BATF3: variants seen among roughly 807,000 people sequenced by gnomAD.
BATF3 encodes the protein basic leucine zipper ATF-like transcription factor 3.
Under a neutral mutation model 16.1 loss-of-function variants are expected in BATF3, and 8 were observed. That is an observed-to-expected ratio of 0.50 (90% CI 0.29 to 0.90). BATF3 has a LOEUF of 0.90. Among genes scored for constraint, BATF3 ranks in the 40% least tolerant of loss-of-function variants. The pLI is 0.08. For missense variants in BATF3, 139 were observed against 167.0 expected, an observed-to-expected ratio of 0.83 and a Z score of 0.92; for synonymous variants, 74 against 72.7, an observed-to-expected ratio of 1.02 and a Z score of -0.09.
chr1:212,697,151 T>A, intron 1 of BATF3, 86 bp from the exon 2 acceptor site: 1 of 1,072,974 alleles, frequency 9.3e-7, no homozygotes, highest in Non-Finnish European at 1.4e-6. Context: ...CGTTGTTCAC[T>A]GAGCTTCATC....
At chr1:212,691,410 C>T (rs1193300517) in intron 2 of BATF3, among the ~76,000 whole-genome samples, 1 of 152,206 alleles carries the variant, frequency 6.6e-6, no homozygotes, top group Non-Finnish European at 1.5e-5. Context: ...ATCAACAATT[C>T]TGCTTTTAGT....
At chr1:212,688,966 C>T (rs1011095252) in intron 2 of BATF3, among the ~76,000 whole-genome samples, 4 of 152,196 alleles carry the variant, frequency 2.6e-5, no homozygotes, top group African/African-American at 4.8e-5. Flanking sequence ...AACCCTGCCC[C>T]TTTGCTCTTG....
At chr1:212,690,450 A>G (rs1656975535) in intron 2 of BATF3, among the ~76,000 whole-genome samples, 1 of 152,064 alleles carries the variant, frequency 6.6e-6, no homozygotes, top group Non-Finnish European at 1.5e-5. Context: ...TTACTCATAA[A>G]CCCGCTGAGG....
intron 1 of BATF3, 158 bp from the exon 2 acceptor site, chr1:212,697,223 G>A: frequency 1.6e-6 from 1 of 608,826 alleles, no homozygotes; most frequent in Non-Finnish European, 2.9e-6. Context: ...ACAGCCCCTT[G>A]CCCAGGAGCA....
rs773196008 is a variant in BATF3, at chr1:212,687,010, C to G, written c.196-31G>C. The G allele has an allele frequency of 1.4e-5, 20 of 1,413,606 alleles. No individual in the cohort carries two copies. In the Admixed American group the frequency reaches 3.2e-4, roughly 22 times the overall value. The allele number at this position is 1,413,606 out of a possible 1,614,324, so 87.6% of individuals were successfully genotyped here. A position where few individuals can be genotyped will look rare whatever the true frequency, so the allele number is the denominator to read the frequency against. ...GGAGACAGAATGGGCAAAATCATTT[C>G]TGGTGCAGCGTTCCCTTCCTCCGTC... On this transcript the variant is annotated intron_variant, in intron 2 of 2. Transcript: ENST00000243440.
At position 212,699,263 on chromosome 1, in the gene BATF3, C is replaced by G. The variant is rs75301185; in HGVS notation, c.90+410G>C. Reference sequence around the variant, plus strand: ...CTCCATTCCCGCGGCAGCACCCCCCCCACCCGGGGGAATCCTGGAGGGGCT... The same window carrying G: ...CTCCATTCCCGCGGCAGCACCCCCCGCACCCGGGGGAATCCTGGAGGGGCT... On this transcript the variant is annotated intron_variant, in intron 1 of 2. Transcript: ENST00000243440. This position sits in a 1 kb window ranked among gnomAD's most constrained non-coding sequence, Gnocchi z 4.4. Among the ~76,000 whole-genome samples the G allele has an allele frequency of 0.096, 14,564 of 152,184 alleles. 802 individuals are homozygous for G. The highest frequency in any genetic ancestry group is 0.15 in the East Asian group (752 of 5,158).
At chr1:212,692,052 ACT>A (rs1657011638) in intron 2 of BATF3, among the ~76,000 whole-genome samples, 1 of 151,746 alleles carries the variant, frequency 6.6e-6, no homozygotes, top group Non-Finnish European at 1.5e-5. Flanking sequence ...TGCCCAGAAA[ACT>A]CTGCGTGAAG....
At chr1:212,690,951 G>A (rs1040830379) in intron 2 of BATF3, among the ~76,000 whole-genome samples, 2 of 152,228 alleles carry the variant, frequency 1.3e-5, no homozygotes, top group Admixed American at 6.5e-5. Flanking sequence ...TTGGGTTATC[G>A]CAGCTGGTCG....
At chr1:212,687,186 A>T (rs1656869777) in intron 2 of BATF3, among the ~76,000 whole-genome samples, 1 of 152,248 alleles carries the variant, frequency 6.6e-6, no homozygotes, top group African/African-American at 2.4e-5. Flanking sequence ...TAACTTACGT[A>T]AAATAAAATG....
At chr1:212,695,974 A>G (rs115359220) in intron 2 of BATF3, among the ~76,000 whole-genome samples, 1 of 152,322 alleles carries the variant, frequency 6.6e-6, no homozygotes, top group Non-Finnish European at 1.5e-5. Flanking sequence ...ACACTCTTTT[A>G]TGGATGTGGT....
In BATF3 at chr1:212,686,786, C is replaced by T. The variant is rs200817643; in HGVS notation, c.*5G>A. On this transcript the variant is annotated 3_prime_UTR_variant, in exon 3 of 3. Transcript: ENST00000243440. ...TCCTTGCTGGGCAGAGGAGTGTCCC[C>T]GGCTTCATCGGGGCAAGCAGCCGGC... 5.7e-5 allele frequency: 91 copies of T among 1,609,440 alleles called. No homozygotes were observed. In the East Asian group the frequency reaches 1.0e-3, roughly 18 times the overall value.
chr1:212,695,189 C>A (rs1369335568), intron 2 of BATF3, among the ~76,000 whole-genome samples: 1 of 152,156 alleles, frequency 6.6e-6, no homozygotes, highest in African/African-American at 2.4e-5. Flanking sequence ...GTGGCAAAAC[C>A]CCACCTCTAC....
intron 1 of BATF3, chr1:212,697,726 C>T (rs1657165023): frequency 6.6e-6 from 1 of 152,198 alleles, no homozygotes; most frequent in South Asian, 2.1e-4. Flanking sequence ...AAGCTGTTAG[C>T]TATATGTAAG....
chr1:212,696,356 C>T (rs558512430), intron 2 of BATF3, among the ~76,000 whole-genome samples: 34 of 151,826 alleles, frequency 2.2e-4, no homozygotes, highest in Non-Finnish European at 4.3e-4. Context: ...ATGATGAGAC[C>T]AGAAAGAGAG....
chr1:212,694,805 G>T (rs1471764980), intron 2 of BATF3, among the ~76,000 whole-genome samples: 2 of 152,180 alleles, frequency 1.3e-5, no homozygotes. Flanking sequence ...CAAAGGCTAG[G>T]AGGCACCTTC....
In BATF3 at chr1:212,699,266, C is replaced by G. The variant is rs987756899; in HGVS notation, c.90+407G>C. Reference sequence around the variant, plus strand: ...CATTCCCGCGGCAGCACCCCCCCCACCCGGGGGAATCCTGGAGGGGCTACA... The same window carrying G: ...CATTCCCGCGGCAGCACCCCCCCCAGCCGGGGGAATCCTGGAGGGGCTACA... On this transcript the variant is annotated intron_variant, in intron 1 of 2. Transcript: ENST00000243440. The surrounding 1 kb of genome is among the most constrained non-coding windows in gnomAD (Gnocchi z 4.4). 1.3e-5 allele frequency among the ~76,000 whole-genome samples: 2 copies of G among 152,024 alleles called. No individual in the cohort carries two copies. Among genetic ancestry groups the G allele is most frequent in the Non-Finnish European group, 2.9e-5 (2 of 67,948 alleles).
intron 2 of BATF3, among the ~76,000 whole-genome samples, chr1:212,690,960 CG>C (rs932160782): frequency 2.6e-5 from 4 of 152,176 alleles, no homozygotes; most frequent in Non-Finnish European, 5.9e-5. Flanking sequence ...CGCAGCTGGT[CG>C]GGGGTGCTAC....
chr1:212,687,961 GA>G (rs778086042), intron 2 of BATF3, among the ~76,000 whole-genome samples: 2 of 37,904 alleles, frequency 5.3e-5, no homozygotes, highest in East Asian at 1.8e-3. Flanking sequence ...AAGAGAGAAA[GA>G]AAAAAAAAGA....
chr1:212,696,636 T>C (rs1457638342), intron 2 of BATF3, among the ~76,000 whole-genome samples: 2 of 151,792 alleles, frequency 1.3e-5, no homozygotes, highest in East Asian at 1.9e-4. Context: ...GCGGATTACT[T>C]TGGAGGGAAA....
Sources: gnomAD v4.1 joint callset for allele counts (sites outside exome capture counted in the v4.1 genomes callset) on GRCh38, gnomAD v4.1.1 for gene constraint, Gnocchi (gnomAD v3.1) non-coding constraint, MANE v1.5 for transcripts, NCBI Gene and HGNC (gene_info 2026-07-23, HGNC 2026-07-21) for gene names.